JARID2: variants seen among roughly 807,000 people sequenced by gnomAD.
JARID2 encodes the protein protein Jumonji.
In JARID2, 21 loss-of-function variants were observed where a neutral mutation model predicts 125.6. The ratio of observed to expected loss-of-function variants is 0.17; its 90% CI spans 0.12 to 0.24. The LOEUF (loss-of-function observed/expected upper bound fraction) is 0.24. Ranked by LOEUF, JARID2 falls within the 10% of genes least tolerant of loss-of-function variation. JARID2 has a pLI of 1.00. For synonymous variants in JARID2, 736 were observed against 661.6 expected, an observed-to-expected ratio of 1.11 and a Z score of -1.73; for missense variants, 1,303 against 1,639.6, an observed-to-expected ratio of 0.79 and a Z score of 3.55.
chr6:15,280,812 A>G (rs1020113241), intron 1 of JARID2, among the ~76,000 whole-genome samples: 1 of 152,014 alleles, frequency 6.6e-6, no homozygotes, highest in African/African-American at 2.4e-5. Context: ...TATTTTCATT[A>G]CAGATGGGGT....
intron 6 of JARID2, among the ~76,000 whole-genome samples, chr6:15,488,063 A>G (rs1214186383): frequency 6.6e-6 from 1 of 152,130 alleles, no homozygotes; most frequent in Non-Finnish European, 1.5e-5. Context: ...CTTCCACTGA[A>G]GGCATTTGAG....
At chr6:15,409,009 C>T (rs1561842768) in intron 2 of JARID2, among the ~76,000 whole-genome samples, 1 of 152,176 alleles carries the variant, frequency 6.6e-6, no homozygotes, top group Non-Finnish European at 1.5e-5. Flanking sequence ...TGTTATCACT[C>T]ATACTCTGAA....
At chr6:15,323,653 T>C (rs1762429846) in intron 1 of JARID2, among the ~76,000 whole-genome samples, 1 of 152,222 alleles carries the variant, frequency 6.6e-6, no homozygotes, top group East Asian at 1.9e-4. Context: ...TTGTTGGGTG[T>C]GGTGGCTCAC....
chr6:15,444,572 G>A (rs1258394906), intron 3 of JARID2, among the ~76,000 whole-genome samples: 4 of 151,782 alleles, frequency 2.6e-5, no homozygotes, highest in Non-Finnish European at 5.9e-5. Flanking sequence ...TCTGGGGGGC[G>A]AATGGAGTGG....
intron 1 of JARID2, among the ~76,000 whole-genome samples, chr6:15,257,302 T>C (rs1759702386): frequency 6.6e-6 from 1 of 152,192 alleles, no homozygotes; most frequent in Non-Finnish European, 1.5e-5. Flanking sequence ...TAAGAAGTGA[T>C]TCAAATCAGA....
rs1771850250 is a variant in JARID2 at position 15,521,504 on chromosome 6, TTTC to T, written c.*1256_*1258del. ...GGTTGGATTGGATGCTTACAGGGTT[TTTC>T]TTGTAACATTTATAAGTGCTGCTTA... On this transcript the variant is annotated 3_prime_UTR_variant, in exon 18 of 18. Transcript: ENST00000341776. 6.6e-6 allele frequency: 1 copy of T among 152,178 alleles called. No individual in the cohort carries two copies. The highest frequency in any genetic ancestry group is 6.5e-5 in the Admixed American group (1 of 15,288). The allele number at this position is 152,178 out of a possible 1,614,324, so 9.4% of individuals were successfully genotyped here. A position where few individuals can be genotyped will look rare whatever the true frequency, so the allele number is the denominator to read the frequency against.
intron 1 of JARID2, among the ~76,000 whole-genome samples, chr6:15,340,877 T>C (rs552470662): frequency 2.0e-5 from 3 of 152,308 alleles, no homozygotes; most frequent in East Asian, 3.9e-4. Flanking sequence ...GGGATTACGA[T>C]GTTTGCCTCC....
At chr6:15,415,483 G>C (rs1314614818) in intron 3 of JARID2, among the ~76,000 whole-genome samples, 1 of 141,410 alleles carries the variant, frequency 7.1e-6, no homozygotes, top group Admixed American at 7.0e-5. Flanking sequence ...GCGGCTGGCC[G>C]GGCAGAGGGG....
chr6:15,509,428 C>A, intron 12 of JARID2: 2 of 884,540 alleles, frequency 2.3e-6, no homozygotes, highest in Non-Finnish European at 2.7e-6. Flanking sequence ...TTTGGCTGTT[C>A]TGGTGAGTGG....
chr6:15,520,349 A>AGCTC lies in JARID2; in HGVS notation c.*99_*102dup. 2.3e-6 allele frequency: 2 copies of AGCTC among 875,474 alleles called. No homozygotes were observed. Among genetic ancestry groups the AGCTC allele is most frequent in the Non-Finnish European group, 3.3e-6 (2 of 607,186 alleles). 54.2% of individuals were successfully genotyped at this position (875,474 alleles called of 1,614,324 possible). On this transcript the variant is annotated 3_prime_UTR_variant, in exon 18 of 18. Coordinates refer to ENST00000341776, the MANE Select transcript of JARID2 (RefSeq NM_004973.4). ...GTAGGATTCAAGCTGTCTTTGCACTAGCTCTAAAGAAGATTTTCTTCTGGT... is the reference window on the plus strand; with the variant it reads ...GTAGGATTCAAGCTGTCTTTGCACTAGCTCGCTCTAAAGAAGATTTTCTTCTGGT...
chr6:15,366,518 CGGGGGGG>C (rs1367437795), intron 1 of JARID2, among the ~76,000 whole-genome samples: 1 of 14,408 alleles, frequency 6.9e-5, no homozygotes, highest in African/African-American at 1.5e-4. Flanking sequence ...GCGGGGGGGG[CGGGGGGG>C]GTGGGGGGTG....
chr6:15,401,636 T>G lies in JARID2; in HGVS notation c.182-8588T>G, dbSNP rs184493387. Reference sequence around the variant, plus strand: ...AAATAGATCCTGAGACCTGAAGTGGTTCTGGATTGAGACCTTTAAACTTCG... The same window carrying G: ...AAATAGATCCTGAGACCTGAAGTGGGTCTGGATTGAGACCTTTAAACTTCG... On this transcript the variant is annotated intron_variant, in intron 2 of 17. Coordinates refer to ENST00000341776, the MANE Select transcript of JARID2 (RefSeq NM_004973.4). Among the ~76,000 whole-genome samples the G allele has an allele frequency of 2.1e-4, 32 of 152,316 alleles. No individual in the cohort carries two copies. The East Asian group carries it at 6.0e-3, about 28-fold the overall frequency.
At chr6:15,353,240 G>T (rs1763489544) in intron 1 of JARID2, among the ~76,000 whole-genome samples, 1 of 152,116 alleles carries the variant, frequency 6.6e-6, no homozygotes, top group Admixed American at 6.5e-5. Flanking sequence ...AGTTATTGTA[G>T]TAGGTGTGAA....
intron 1 of JARID2, among the ~76,000 whole-genome samples, chr6:15,267,029 C>T (rs1760111314): frequency 6.6e-6 from 1 of 152,200 alleles, no homozygotes; most frequent in African/African-American, 2.4e-5. Flanking sequence ...TGTAGGCATT[C>T]TCTTCCACCT....
intron 1 of JARID2, among the ~76,000 whole-genome samples, chr6:15,350,540 TA>T (rs1451684804): frequency 6.6e-6 from 1 of 152,186 alleles, no homozygotes; most frequent in African/African-American, 2.4e-5. Context: ...TTAAAATGCC[TA>T]AAATGACAAA....
chr6:15,248,422 G>A (rs1759277444), intron 1 of JARID2: 1 of 127,058 alleles, frequency 7.9e-6, no homozygotes, highest in South Asian at 2.6e-4. Context: ...AGGGGAGAGC[G>A]CGCGGGGAGG....
At chr6:15,324,323 T>C (rs1401047685) in intron 1 of JARID2, 1 of 152,214 alleles carries the variant, frequency 6.6e-6, no homozygotes. Context: ...GTGTTTCCTC[T>C]TGGAGTTTTA....
chr6:15,516,834 A>C (rs981448881), intron 16 of JARID2, among the ~76,000 whole-genome samples: 2 of 152,192 alleles, frequency 1.3e-5, no homozygotes, highest in Non-Finnish European at 2.9e-5. Flanking sequence ...TGTCTTTAGC[A>C]GCCTGGTGGT....
intron 1 of JARID2, among the ~76,000 whole-genome samples, chr6:15,346,516 A>G (rs1763249381): frequency 6.6e-6 from 1 of 152,120 alleles, no homozygotes; most frequent in African/African-American, 2.4e-5. Context: ...GCAGATTAGT[A>G]GGCTTTGGTG....
Sources: gnomAD v4.1 joint callset for allele counts (sites outside exome capture counted in the v4.1 genomes callset) on GRCh38, gnomAD v4.1.1 for gene constraint, MANE v1.5 for transcripts, NCBI Gene and HGNC (gene_info 2026-07-23, HGNC 2026-07-21) for gene names.